The following ZP3 variants were observed in gnomAD, a reference collection of about 807,000 sequenced individuals.
The protein encoded by ZP3 is zona pellucida sperm-binding protein 3.
Under a neutral mutation model 35.6 loss-of-function variants are expected in ZP3, and 21 were observed. That is an observed-to-expected ratio of 0.59 (90% CI 0.42 to 0.85). ZP3 has a LOEUF of 0.85. Among genes scored for constraint, ZP3 ranks in the 40% least tolerant of loss-of-function variants. The pLI, the probability that ZP3 is intolerant of heterozygous loss-of-function variation, is 0.00. For synonymous variants in ZP3, 207 were observed against 214.5 expected (o/e 0.96, Z 0.31); for missense variants, 437 against 536.5 (o/e 0.81, Z 1.83).
intron 1 of ZP3, among the ~76,000 whole-genome samples, chr7:76,405,339 C>CTTTCTTTTTTT (rs1271510975): frequency 4.7e-5 from 1 of 21,394 alleles, no homozygotes; most frequent in African/African-American, 2.1e-4. Flanking sequence ...TTCTTTCTTT[C>CTTTCTTTTTTT]TTTTTTTTTT....
At chr7:76,436,125 C>T (rs1806000123) in intron 5 of ZP3, among the ~76,000 whole-genome samples, 1 of 135,952 alleles carries the variant, frequency 7.4e-6, no homozygotes, top group Non-Finnish European at 1.5e-5. Context: ...AATCTTAGGT[C>T]ACTGCAACTT....
intron 1 of ZP3, among the ~76,000 whole-genome samples, chr7:76,402,111 C>T (rs546104570): frequency 9.2e-5 from 14 of 151,728 alleles, no homozygotes; most frequent in Admixed American, 4.6e-4. Flanking sequence ...CCTCCAATAC[C>T]GGAGTTCAAT....
upstream of ZP3, among the ~76,000 whole-genome samples, chr7:76,423,025 G>GAGAGAGAGAAAGAAAA (rs1278384225): frequency 1.3e-5 from 1 of 75,806 alleles, no homozygotes; most frequent in African/African-American, 4.9e-5. Context: ...GAGAGAGAGA[G>GAGAGAGAGAAAGAAAA]AGAAAGAAAG....
At chr7:76,439,875 TCTCA>T (rs1806142840) in intron 5 of ZP3, 2 of 228,024 alleles carry the variant, frequency 8.8e-6, no homozygotes, top group African/African-American at 4.5e-5. Context: ...TATGAGACAG[TCTCA>T]CTCTGTCAGC....
intron 1 of ZP3, among the ~76,000 whole-genome samples, chr7:76,402,737 T>C (rs1804871464): frequency 6.6e-6 from 1 of 152,134 alleles, no homozygotes; most frequent in African/African-American, 2.4e-5. Flanking sequence ...TGGTGCCATC[T>C]TTGCTCACCG....
At chr7:76,422,543 G>A (rs1451531893), upstream of ZP3, among the ~76,000 whole-genome samples, 1 of 151,768 alleles carries the variant, frequency 6.6e-6, no homozygotes, top group Non-Finnish European at 1.5e-5. Flanking sequence ...GCTGGGCTTG[G>A]TGGCAGGCGC....
chr7:76,417,120 C>T (rs1354175803), intron 1 of ZP3, among the ~76,000 whole-genome samples: 4 of 151,566 alleles, frequency 2.6e-5, no homozygotes, highest in African/African-American at 9.7e-5. Flanking sequence ...TGTAATGGTG[C>T]GATCTCGGCT....
chr7:76,418,227 C>T (rs977461185), intron 1 of ZP3, among the ~76,000 whole-genome samples: 4 of 151,948 alleles, frequency 2.6e-5, no homozygotes, highest in Non-Finnish European at 5.9e-5. Flanking sequence ...CTTTGCCTGG[C>T]GAATAGTGCT....
At chr7:76,402,471 C>T (rs543996716) in intron 1 of ZP3, among the ~76,000 whole-genome samples, 7 of 151,396 alleles carry the variant, frequency 4.6e-5, no homozygotes, top group South Asian at 2.1e-4. Flanking sequence ...CATGAGCCAC[C>T]GCTCCTGGCC....
intron 1 of ZP3, among the ~76,000 whole-genome samples, chr7:76,415,344 G>A (rs1201390360): frequency 1.1e-5 from 1 of 94,528 alleles, no homozygotes; most frequent in Non-Finnish European, 1.9e-5. Flanking sequence ...TCAGCCTGGC[G>A]ATAGAGTGAG....
At chr7:76,397,712 A>G in exon 1 of ZP3, 2 of 1,613,392 alleles carry the variant, frequency 1.2e-6, no homozygotes, top group African/African-American at 1.3e-5. Flanking sequence ...ACGACAGACC[A>G]CAGCGGCATC....
intron 1 of ZP3, among the ~76,000 whole-genome samples, chr7:76,411,929 G>A (rs1399095169): frequency 6.6e-6 from 1 of 152,068 alleles, no homozygotes; most frequent in Non-Finnish European, 1.5e-5. Context: ...GAGGTGGCGT[G>A]TGCCTGTAGT....
At chr7:76,404,583 G>A in intron 1 of ZP3, 2 of 1,280,528 alleles carry the variant, frequency 1.6e-6, no homozygotes, top group East Asian at 2.3e-5. Flanking sequence ...CTTGCACCCA[G>A]GGGTTTGAGA....
intron 1 of ZP3, among the ~76,000 whole-genome samples, chr7:76,426,604 C>T (rs1180180053): frequency 6.6e-6 from 1 of 152,108 alleles, no homozygotes; most frequent in Non-Finnish European, 1.5e-5. Flanking sequence ...TTTAGAGGCT[C>T]ACAAACATGT....
At chr7:76,410,157 G>C (rs950850626) in intron 1 of ZP3, among the ~76,000 whole-genome samples, 1 of 151,690 alleles carries the variant, frequency 6.6e-6, no homozygotes, top group African/African-American at 2.4e-5. Flanking sequence ...CTCAGCGCCC[G>C]AGTACCTGGG....
intron 5 of ZP3, among the ~76,000 whole-genome samples, chr7:76,434,755 G>A (rs1805939891): frequency 6.7e-6 from 1 of 149,372 alleles, no homozygotes; most frequent in African/African-American, 2.5e-5. Context: ...GGTTAGGCTA[G>A]TGATTCTGAA....
chr7:76,441,731 A>C, intron 7 of ZP3, 111 bp from the exon 8 acceptor site: 1 of 1,155,790 alleles, frequency 8.7e-7, no homozygotes. Context: ...TTATTAGCCC[A>C]CACAAAAAAG....
chr7:76,408,762 G>C (rs1390815412), intron 1 of ZP3, among the ~76,000 whole-genome samples: 13 of 152,186 alleles, frequency 8.5e-5, no homozygotes, highest in Non-Finnish European at 1.5e-5. Context: ...ACACTGGCAA[G>C]ACAAGGCTTC....
chr7:76,423,027 GA>G (rs60018637), upstream of ZP3, among the ~76,000 whole-genome samples: 87 of 68,950 alleles, frequency 1.3e-3, 2 homozygotes, highest in Non-Finnish European at 2.3e-3. Flanking sequence ...GAGAGAGAGA[GA>G]AAGAAAGAAA....
Sources: gnomAD v4.1 joint callset for allele counts (sites outside exome capture counted in the v4.1 genomes callset) on GRCh38, gnomAD v4.1.1 for gene constraint, MANE v1.5 for transcripts, NCBI Gene and HGNC (gene_info 2026-07-23, HGNC 2026-07-21) for gene names.